The following C8B variants were observed in gnomAD, a reference collection of about 807,000 sequenced individuals.
The protein encoded by C8B is complement C8 beta chain.
In C8B, 67 loss-of-function variants were observed where a neutral mutation model predicts 64.6. That is an observed-to-expected ratio of 1.04 (90% CI 0.85 to 1.27). C8B has a LOEUF of 1.27. C8B is among the 50% of genes most tolerant of loss of function. The pLI is 0.00. For synonymous variants in C8B, 284 were observed against 257.7 expected, an observed-to-expected ratio of 1.10 and a Z score of -0.98; for missense variants, 790 against 725.2, an observed-to-expected ratio of 1.09 and a Z score of -1.03.
chr1:56,941,247 G>A (rs1644850140), intron 8 of C8B, among the ~76,000 whole-genome samples: 2 of 152,158 alleles, frequency 1.3e-5, no homozygotes, highest in African/African-American at 2.4e-5. Context: ...CATTTATCTT[G>A]AGCAGCTGTA....
At chr1:56,956,153 T>A (rs182734056) in intron 3 of C8B, among the ~76,000 whole-genome samples, 2 of 152,308 alleles carry the variant, frequency 1.3e-5, no homozygotes, top group African/African-American at 4.8e-5. Context: ...GGAAATATCT[T>A]TCTAAAGATT....
At position 56,940,908 on chromosome 1, in the gene C8B, C is replaced by T. The variant is rs769257621; in HGVS notation, c.1339G>A (p.Asp447Asn). 1 of 1,614,064 alleles carries T rather than the reference C, an allele frequency of 6.2e-7. No individual in the cohort carries two copies. The highest frequency in any genetic ancestry group is 1.1e-5 in the South Asian group (1 of 91,072). ...GCGTCTCCCCACTCCTGCATCAGGT[C>T]CGCCGTCGGCAGCTCCTGGTATGCC... ...TLAYQELPTA[D>N]LMQEWGDAVQ... Residue 447 changes from aspartate (D) to asparagine (N), a missense_variant, in exon 9 of 12, where the codon GAC becomes AAC. Coordinates refer to ENST00000371237, the MANE Select transcript of C8B (RefSeq NM_000066.4).
chr1:56,962,900 C>T (rs1481994021), intron 1 of C8B, among the ~76,000 whole-genome samples: 1 of 152,214 alleles, frequency 6.6e-6, no homozygotes, highest in Non-Finnish European at 1.5e-5. Context: ...TGTTAATCAA[C>T]ATTGCATTTC....
chr1:56,937,896 C>T (rs983396978), intron 9 of C8B, among the ~76,000 whole-genome samples: 8 of 152,164 alleles, frequency 5.3e-5, no homozygotes, highest in African/African-American at 1.7e-4. Context: ...CTTCAAGACT[C>T]CTCAGTTGTT....
In C8B at chr1:56,943,751, G is replaced by A. The variant is rs1031039809; in HGVS notation, c.1179C>T (p.Tyr393=). ...FKIGGAIEEV[Y]VSLGVSVGKC... is the part of the protein sequence containing the mutation. ...TGCCTACAGACACACCCAGACTGAC[G>A]TAGACCTCTTCAATGGCACCACCAA... Residue 393 remains tyrosine (Y), a synonymous_variant, in exon 8 of 12, where the codon TAC becomes TAT. Coordinates refer to ENST00000371237, the MANE Select transcript of C8B (RefSeq NM_000066.4). 19 of 1,614,102 alleles carry A rather than the reference G, an allele frequency of 1.2e-5. No individual in the cohort carries two copies. Among genetic ancestry groups the A allele is most frequent in the East Asian group, 6.7e-5 (3 of 44,880 alleles).
chr1:56,965,419 G>GTGTGTGTT (rs1645240872), intron 1 of C8B, among the ~76,000 whole-genome samples: 1 of 151,920 alleles, frequency 6.6e-6, no homozygotes. Context: ...GTGTGTGTGT[G>GTGTGTGTT]TGTGTAAGAA....
chr1:56,953,411 T>A (rs1240867894), intron 4 of C8B, among the ~76,000 whole-genome samples: 1 of 152,230 alleles, frequency 6.6e-6, no homozygotes, highest in Non-Finnish European at 1.5e-5. Context: ...TTACACACAA[T>A]GGCTCATTTA....
chr1:56,962,088 G>A (rs866419683), intron 1 of C8B, among the ~76,000 whole-genome samples: 11 of 152,216 alleles, frequency 7.2e-5, no homozygotes, highest in South Asian at 2.1e-4. Context: ...ACAACTCCAG[G>A]GCCATAGGTG....
chr1:56,933,562 G>A lies in C8B; in HGVS notation c.1399-74C>T, dbSNP rs193068268. 2.4e-6 allele frequency: 3 copies of A among 1,267,950 alleles called. No individual in the cohort carries two copies. The East Asian group carries it at 7.0e-5, about 30-fold the overall frequency. 78.5% of individuals were successfully genotyped at this position (1,267,950 alleles called of 1,614,324 possible). On this transcript the variant is annotated intron_variant, in intron 9 of 11. Transcript: ENST00000371237. ...TAGAAGTGTAAAACAAAACTACAAAGGAATGGACTGGGATCAGTGTATAGA... is the reference window on the plus strand; with the variant it reads ...TAGAAGTGTAAAACAAAACTACAAAAGAATGGACTGGGATCAGTGTATAGA...
At chr1:56,932,397 G>A (rs532706352) in intron 10 of C8B, among the ~76,000 whole-genome samples, 1 of 152,096 alleles carries the variant, frequency 6.6e-6, no homozygotes, top group Non-Finnish European at 1.5e-5. Context: ...TCCATCATAG[G>A]TCAGGCCCTG....
At chr1:56,946,379 T>A (rs1262753761) in intron 6 of C8B, among the ~76,000 whole-genome samples, 1 of 151,710 alleles carries the variant, frequency 6.6e-6, no homozygotes. Context: ...GGACATGGGG[T>A]TTGCTAACCT....
chr1:56,961,462 G>C (rs116786146), intron 1 of C8B, among the ~76,000 whole-genome samples: 2 of 152,254 alleles, frequency 1.3e-5, no homozygotes, highest in African/African-American at 4.8e-5. Flanking sequence ...ACACATCCAC[G>C]GTCATGCAGC....
chr1:56,933,223 C>T, intron 10 of C8B, 112 bp downstream of exon 10: 1 of 906,516 alleles, frequency 1.1e-6, no homozygotes, highest in African/African-American at 1.6e-5. Context: ...GTAGTATCTC[C>T]CAGTGGACTA....
At position 56,952,053 on chromosome 1, in the gene C8B, G is replaced by A. The variant is rs772860929; in HGVS notation, c.661C>T (p.Pro221Ser). The A allele has an allele frequency of 1.7e-5, 28 of 1,613,912 alleles. No homozygotes were observed. Among genetic ancestry groups the A allele is most frequent in the Admixed American group, 1.7e-5 (1 of 60,002 alleles). ...GCTACCTGGCTGTCTCTTACCTGTGGCGTGTAGCTTTCCACATTGTAGGGC... is the reference window on the plus strand; with the variant it reads ...GCTACCTGGCTGTCTCTTACCTGTGACGTGTAGCTTTCCACATTGTAGGGC... ...RKPYNVESYT[P>S]QTQGKYEFIL... The change falls in exon 5 of 12, where the codon CCA becomes TCA. Residue 221 changes from proline to serine, a missense_variant. Coordinates refer to ENST00000371237, the MANE Select transcript of C8B (RefSeq NM_000066.4).
At chr1:56,957,499 A>G (rs1039119582) in intron 2 of C8B, among the ~76,000 whole-genome samples, 2 of 152,188 alleles carry the variant, frequency 1.3e-5, no homozygotes, top group East Asian at 1.9e-4. Flanking sequence ...CGAATTATCT[A>G]AATGTTCAGT....
intron 10 of C8B, among the ~76,000 whole-genome samples, chr1:56,932,579 A>G (rs759486167): frequency 6.6e-6 from 1 of 152,112 alleles, no homozygotes; most frequent in Non-Finnish European, 1.5e-5. Flanking sequence ...TAACCCTCAC[A>G]TAGGGGTCCT....
chr1:56,954,942 T>C (rs1055611998), intron 3 of C8B, 115 bp from the exon 4 acceptor site: 2 of 1,170,954 alleles, frequency 1.7e-6, no homozygotes, highest in Admixed American at 3.5e-5. Flanking sequence ...TGCTGCCCTG[T>C]TTTAATTAGT....
Position 56,952,728 on chromosome 1 carries a change from G to A in C8B, c.534-548C>T, listed in dbSNP as rs182958833. 2.9e-3 allele frequency among the ~76,000 whole-genome samples: 447 copies of A among 152,268 alleles called. 6 individuals carry two copies. Among genetic ancestry groups the A allele is most frequent in the African/African-American group, 0.01 (426 of 41,538 alleles). On this transcript the variant is annotated intron_variant, in intron 4 of 11. Coordinates refer to ENST00000371237, the MANE Select transcript of C8B (RefSeq NM_000066.4). ...CTGTTCTGCCCCTTACTGCCCAGGT[G>A]ACCTTGGGCAAGCCAATTAAACCTT...
At chr1:56,937,976 A>T (rs1287044470) in intron 9 of C8B, among the ~76,000 whole-genome samples, 1 of 152,122 alleles carries the variant, frequency 6.6e-6, no homozygotes, top group African/African-American at 2.4e-5. Context: ...TTCCTGTAGG[A>T]TATATTTGTT....
Sources: allele counts gnomAD v4.1 joint callset (sites outside exome capture counted in the v4.1 genomes callset), GRCh38; gene constraint gnomAD v4.1.1; transcripts MANE v1.5; gene names NCBI Gene and HGNC (gene_info 2026-07-23, HGNC 2026-07-21).